The following KCNH4 variants were observed in gnomAD, a reference collection of about 807,000 sequenced individuals.
KCNH4 encodes the protein voltage-gated delayed rectifier potassium channel KCNH4.
KCNH4 carries 33 observed loss-of-function variants against 90.7 expected under a neutral mutation model. The observed-to-expected ratio is 0.36, with a 90% CI of 0.28 to 0.49. The LOEUF (loss-of-function observed/expected upper bound fraction) is 0.49, where lower values mean the gene tolerates loss of function less well. KCNH4 is among the 20% of genes least tolerant of loss of function. The pLI is 0.98. For synonymous variants in KCNH4, 551 were observed against 581.7 expected (o/e 0.95, Z 0.76); for missense variants, 1,044 against 1,387.1 (o/e 0.75, Z 3.93).
Position 42,159,905 on chromosome 17 carries a change from A to G in KCNH4, c.*135T>C. ...GTCAGAGGTAACCACGCTTCATTAA[A>G]AAGTCCAGAAATCCAGAGCCAACCA... On this transcript the variant is annotated 3_prime_UTR_variant, in exon 16 of 17. Transcript: ENST00000264661. 1.7e-6 allele frequency: 1 copy of G among 592,088 alleles called. No individual in the cohort carries two copies. Among genetic ancestry groups the G allele is most frequent in the Non-Finnish European group, 2.7e-6 (1 of 369,908 alleles). 36.7% of individuals were successfully genotyped at this position (592,088 alleles called of 1,614,324 possible). A position where few individuals can be genotyped will look rare whatever the true frequency, so the allele number is the denominator to read the frequency against.
intron 12 of KCNH4, 25 bp downstream of exon 12, chr17:42,164,105 A>G: frequency 6.5e-7 from 1 of 1,548,490 alleles, no homozygotes; most frequent in Non-Finnish European, 8.7e-7. Context: ...GGGCAATTCA[A>G]CCCCACCCAG....
intron 11 of KCNH4, among the ~76,000 whole-genome samples, chr17:42,164,816 G>A (rs1598269651): frequency 7.3e-6 from 1 of 137,374 alleles, no homozygotes; most frequent in Admixed American, 7.5e-5. Context: ...AAACAAAAAC[G>A]AAAACAAGAC....
chr17:42,162,170 T>C, intron 15 of KCNH4, 78 bp downstream of exon 15: 1 of 1,287,518 alleles, frequency 7.8e-7, no homozygotes, highest in Non-Finnish European at 1.1e-6. Flanking sequence ...GGTCCCAAAC[T>C]CCTGACCTCA....
Position 42,170,137 on chromosome 17 carries a change from T to C in KCNH4, c.1360A>G (p.Ile454Val), listed in dbSNP as rs374933768. Residue 454 changes from isoleucine (I) to valine (V), a missense_variant, in exon 8 of 17, where the codon ATC becomes GTC. Physicochemically the swap from Ile to Val is conservative, Grantham distance 29. Transcript: ENST00000264661. Reference sequence around the variant, plus strand: ...ATGAGCATCGTGCAGATGGAGAAGATCTTCTCCGCGTCGGTGTTGGCACAC... The same window carrying C: ...ATGAGCATCGTGCAGATGGAGAAGACCTTCTCCGCGTCGGTGTTGGCACAC... ...NVCANTDAEK[I>V]FSICTMLIGA... The C allele has an allele frequency of 1.2e-6, 2 of 1,612,468 alleles. No individual in the cohort carries two copies. The highest frequency in any genetic ancestry group is 1.1e-5 in the South Asian group (1 of 91,016).
At position 42,178,496 on chromosome 17, in the gene KCNH4, G is replaced by T; in HGVS notation, c.311-19C>A. 1 of 1,613,726 alleles carries T rather than the reference G, an allele frequency of 6.2e-7. No individual in the cohort carries two copies. Among genetic ancestry groups the T allele is most frequent in the Non-Finnish European group, 8.5e-7 (1 of 1,179,804 alleles). The stretch of plus-strand genomic sequence containing the variant: ...GCTGAGCCTGTAGGCATGGAGAGAG[G>T]GAAGGGAGGAGCATGGGCAGCCCCA... On this transcript the variant is annotated intron_variant, in intron 2 of 16. Transcript: ENST00000264661.
At chr17:42,162,379 T>C in intron 14 of KCNH4, 58 bp from the exon 15 acceptor site, 2 of 1,474,364 alleles carry the variant, frequency 1.4e-6, no homozygotes. Flanking sequence ...AGCCTATAAC[T>C]TGGGCTGGAA....
Position 42,181,141 on chromosome 17 carries a change from T to C in KCNH4, c.-196A>G. On this transcript the variant is annotated 5_prime_UTR_variant, in exon 1 of 17. Transcript: ENST00000264661. ...TCGGCTCGGCTCAGCGCCGTTTCGG[T>C]CCCCCCCACCTCCCCACGGGCCAGG... 1 of 516,964 alleles carries C rather than the reference T, an allele frequency of 1.9e-6. No individual in the cohort carries two copies. The highest frequency in any genetic ancestry group is 3.4e-6 in the Non-Finnish European group (1 of 294,778). 32.0% of individuals were successfully genotyped at this position (516,964 alleles called of 1,614,324 possible). A position where few individuals can be genotyped will look rare whatever the true frequency, so the allele number is the denominator to read the frequency against.
At chr17:42,175,948 AG>A in intron 5 of KCNH4, 105 bp downstream of exon 5, 1 of 1,357,364 alleles carries the variant, frequency 7.4e-7, no homozygotes, top group Non-Finnish European at 1.0e-6. Flanking sequence ...GCAGAAAGGA[AG>A]GGGCTCTGAA....
rs759015356 is a variant in KCNH4, at chr17:42,178,900, C to T, written c.203G>A (p.Arg68His). Reference protein sequence around the residue: ...TEVMQKTCSCRFLYGPETSEP... With the variant: ...TEVMQKTCSCHFLYGPETSEP... ...ACTGGTCTCTGGGCCGTAGAGGAAACGGCAGCTGCAGGTCTTCTGCATGAC... is the reference window on the plus strand; with the variant it reads ...ACTGGTCTCTGGGCCGTAGAGGAAATGGCAGCTGCAGGTCTTCTGCATGAC... The change falls in exon 2 of 17, where the codon CGT becomes CAT. Residue 68 changes from arginine to histidine, a missense_variant. Arg to His is a conservative substitution (Grantham distance 29). Coordinates refer to ENST00000264661, the MANE Select transcript of KCNH4 (RefSeq NM_012285.3). The T allele has an allele frequency of 1.5e-5, 24 of 1,614,086 alleles. No individual in the cohort carries two copies. Among genetic ancestry groups the T allele is most frequent in the South Asian group, 9.9e-5 (9 of 91,094 alleles).
intron 10 of KCNH4, among the ~76,000 whole-genome samples, chr17:42,166,020 T>C (rs2079784690): frequency 6.6e-6 from 1 of 151,150 alleles, no homozygotes; most frequent in Non-Finnish European, 1.5e-5. Context: ...GAAAGGTCAA[T>C]GGGGTTGGGA....
chr17:42,165,473 G>A lies in KCNH4; in HGVS notation c.2061C>T (p.Asn687=). 6.2e-7 allele frequency: 1 copy of A among 1,614,178 alleles called. No individual in the cohort carries two copies. The highest frequency in any genetic ancestry group is 1.1e-5 in the South Asian group (1 of 91,084). The change falls in exon 11 of 17, where the codon AAC becomes AAT. Residue 687 remains asparagine, a synonymous_variant. Transcript: ENST00000264661. ...CACTGGTGTCAGAGCCCTGGCGCAGGTTGAAGGTGAGGTCCCGGGGCAGGC... is the reference window on the plus strand; with the variant it reads ...CACTGGTGTCAGAGCCCTGGCGCAGATTGAAGGTGAGGTCCCGGGGCAGGC... ...RAGLPRDLTF[N]LRQGSDTSGL... is the part of the protein sequence containing the mutation.
Position 42,163,190 on chromosome 17 carries a change from G to T in KCNH4, c.2584+38C>A. ...GGATGGATGGACAGGTGGATGGGCA[G>T]ATGGATGACGGGGTTGAAGTCCACT... On this transcript the variant is annotated intron_variant, in intron 14 of 16. Coordinates refer to ENST00000264661, the MANE Select transcript of KCNH4 (RefSeq NM_012285.3). This position sits in a 1 kb window ranked among gnomAD's most constrained non-coding sequence, Gnocchi z 5.4. 1 of 1,368,860 alleles carries T rather than the reference G, an allele frequency of 7.3e-7. No homozygotes were observed. The highest frequency in any genetic ancestry group is 1.0e-6 in the Non-Finnish European group (1 of 956,244). The allele number at this position is 1,368,860 out of a possible 1,614,324, so 84.8% of individuals were successfully genotyped here.
chr17:42,165,316 A>G, intron 11 of KCNH4, 133 bp downstream of exon 11: 1 of 1,115,876 alleles, frequency 9.0e-7, no homozygotes, highest in Non-Finnish European at 1.3e-6. Context: ...GGTAAGGGGC[A>G]ATGGAGGAGG....
chr17:42,168,153 G>C (rs147083617), intron 9 of KCNH4, among the ~76,000 whole-genome samples: 4 of 152,070 alleles, frequency 2.6e-5, no homozygotes, highest in Admixed American at 1.3e-4. Flanking sequence ...CCCATTCAGC[G>C]CGGCACTCTC....
chr17:42,162,293 A>T lies in KCNH4; in HGVS notation c.2613T>A (p.Ser871Arg), dbSNP rs1228775514. The T allele has an allele frequency of 1.9e-6, 3 of 1,613,692 alleles. No homozygotes were observed. The highest frequency in any genetic ancestry group is 2.5e-6 in the Non-Finnish European group (3 of 1,179,850). ...CCTTTTCCTTCACCTCCTCAGCCTC[A>T]CTGGCCAATTCTGGGCTGGGCCTGG... is the stretch of plus-strand genomic sequence containing the variant. Reference protein sequence around the residue: ...TGTRPSPELASEAEEVKEKVC... With the variant: ...TGTRPSPELAREAEEVKEKVC... The change falls in exon 15 of 17, where the codon AGT becomes AGA. Residue 871 changes from serine to arginine, a missense_variant. Transcript: ENST00000264661.
chr17:42,178,502 G>A (rs1163647622), intron 2 of KCNH4, 25 bp from the exon 3 acceptor site: 1 of 1,613,448 alleles, frequency 6.2e-7, no homozygotes, highest in East Asian at 2.2e-5. Context: ...AGAGGGAAGG[G>A]AGGAGCATGG....
At chr17:42,164,035 C>T (rs1332892859) in intron 12 of KCNH4, 77 bp from the exon 13 acceptor site, 36 of 1,499,326 alleles carry the variant, frequency 2.4e-5, no homozygotes, top group South Asian at 6.1e-5. Flanking sequence ...CCTTCGCCGG[C>T]GGATGCAGCT....
chr17:42,163,154 T>C lies in KCNH4; in HGVS notation c.2584+74A>G. On this transcript the variant is annotated intron_variant, in intron 14 of 16. Coordinates refer to ENST00000264661, the MANE Select transcript of KCNH4 (RefSeq NM_012285.3). The surrounding 1 kb of genome is among the most constrained non-coding windows in gnomAD (Gnocchi z 5.4). ...TGGCACCTGGCACATGGTAGGCCCCTACTACATATGGGATGGATGGACAGG... is the reference window on the plus strand; with the variant it reads ...TGGCACCTGGCACATGGTAGGCCCCCACTACATATGGGATGGATGGACAGG... 9.7e-7 allele frequency: 1 copy of C among 1,031,322 alleles called. No homozygotes were observed. The allele number at this position is 1,031,322 out of a possible 1,614,324, so 63.9% of individuals were successfully genotyped here.
At chr17:42,170,721 G>A (rs1400832116) in intron 7 of KCNH4, among the ~76,000 whole-genome samples, 2 of 152,224 alleles carry the variant, frequency 1.3e-5, no homozygotes, top group African/African-American at 4.8e-5. Context: ...GTTAGGGAAA[G>A]CCAACCCATT....
Sources: allele counts gnomAD v4.1 joint callset (sites outside exome capture counted in the v4.1 genomes callset), GRCh38; gene constraint gnomAD v4.1.1; non-coding constraint Gnocchi (gnomAD v3.1); transcripts MANE v1.5; gene names NCBI Gene and HGNC (gene_info 2026-07-23, HGNC 2026-07-21).